COLEC10: variants seen among roughly 807,000 people sequenced by gnomAD.
COLEC10 encodes the protein collectin-10.
A neutral mutation model predicts 28.4 loss-of-function variants in COLEC10; 22 were observed. The ratio of observed to expected loss-of-function variants is 0.78; its 90% CI spans 0.55 to 1.11. COLEC10 has a LOEUF of 1.11. Ranked by LOEUF, COLEC10 falls within the 50% of genes least tolerant of loss-of-function variation. The probability of loss-of-function intolerance (pLI) is 0.00; values close to 1 mark genes in which losing one functional copy is unlikely to be tolerated. For synonymous variants in COLEC10, 125 were observed against 116.1 expected, an observed-to-expected ratio of 1.08 and a Z score of -0.49; for missense variants, 361 against 344.1, an observed-to-expected ratio of 1.05 and a Z score of -0.39.
At chr8:119,065,165 G>A (rs185830783), upstream of COLEC10, among the ~76,000 whole-genome samples, 34 of 152,240 alleles carry the variant, frequency 2.2e-4, no homozygotes, top group East Asian at 3.9e-3. Context: ...CCCAGGCCAC[G>A]AACTGGTATC....
chr8:118,983,723 A>T, the COLEC10 span, among the ~76,000 whole-genome samples: 1 of 152,192 alleles, frequency 6.6e-6, no homozygotes, highest in African/African-American at 2.4e-5. Flanking sequence ...GCCAACAAGC[A>T]TATGAAAAAA....
chr8:118,990,187 T>C, the COLEC10 span, among the ~76,000 whole-genome samples: 10 of 152,178 alleles, frequency 6.6e-5, no homozygotes, highest in South Asian at 2.1e-3. Flanking sequence ...ACAAGATAGA[T>C]TGTATGGTCA....
At chr8:119,064,325 G>T (rs1351078069), upstream of COLEC10, among the ~76,000 whole-genome samples, 1 of 152,132 alleles carries the variant, frequency 6.6e-6, no homozygotes, top group Non-Finnish European at 1.5e-5. Flanking sequence ...AATATGCCAA[G>T]AAAATTTTTT....
intron 3 of COLEC10, among the ~76,000 whole-genome samples, chr8:119,096,432 A>T (rs1198509750): frequency 6.7e-6 from 1 of 150,236 alleles, no homozygotes; most frequent in Non-Finnish European, 1.5e-5. Flanking sequence ...TCTCTACTAA[A>T]AATGCAAAAT....
Position 119,089,663 on chromosome 8 carries a change from A to G in COLEC10, c.149-17A>G, listed in dbSNP as rs1373711725. The G allele has an allele frequency of 6.2e-7, 1 of 1,603,388 alleles. No individual in the cohort carries two copies. Among genetic ancestry groups the G allele is most frequent in the African/African-American group, 1.3e-5 (1 of 74,724 alleles). ...TGTTTGAGATGCTTCACTCTATCTC[A>G]TTTTCTGTTTCAAAAGGAGATGATG... On this transcript the variant is annotated splice_polypyrimidine_tract_variant and intron_variant, in intron 1 of 5. Transcript: ENST00000332843.
intron 2 of COLEC10, among the ~76,000 whole-genome samples, chr8:119,021,744 G>A (rs140061824): frequency 1.1e-4 from 17 of 152,212 alleles, no homozygotes; most frequent in East Asian, 1.9e-4. Context: ...CCTGGCCCTC[G>A]TAGTAAAAAG....
chr8:119,014,384 A>G (rs1040456086), intron 2 of COLEC10, among the ~76,000 whole-genome samples: 3 of 149,166 alleles, frequency 2.0e-5, no homozygotes, highest in Non-Finnish European at 2.9e-5. Context: ...AACACTAAAC[A>G]CTTTACTCTT....
At chr8:119,079,282 G>C (rs1016121714) in intron 1 of COLEC10, among the ~76,000 whole-genome samples, 1 of 152,156 alleles carries the variant, frequency 6.6e-6, no homozygotes. Flanking sequence ...CCCTGTGAGG[G>C]AGGCACTTCA....
At chr8:119,078,496 C>A (rs187562896) in intron 1 of COLEC10, among the ~76,000 whole-genome samples, 1 of 152,086 alleles carries the variant, frequency 6.6e-6, no homozygotes, top group African/African-American at 2.4e-5. Flanking sequence ...GAATGGGGTG[C>A]AATAGAGAGG....
intron 2 of COLEC10, among the ~76,000 whole-genome samples, chr8:119,057,493 C>T (rs1814785401): frequency 6.6e-6 from 1 of 152,022 alleles, no homozygotes; most frequent in South Asian, 2.1e-4. Context: ...GTCCCTATAA[C>T]AATTACATGC....
chr8:119,098,908 G>C (rs1815770139), intron 3 of COLEC10, among the ~76,000 whole-genome samples: 1 of 151,852 alleles, frequency 6.6e-6, no homozygotes, highest in African/African-American at 2.4e-5. Context: ...TCCTCATTTT[G>C]GTGATTGTCT....
chr8:119,020,564 G>A (rs369654111), intron 2 of COLEC10, among the ~76,000 whole-genome samples: 5 of 152,082 alleles, frequency 3.3e-5, no homozygotes, highest in African/African-American at 4.8e-5. Context: ...GTAGTATCCC[G>A]CCAGTTGTGG....
At chr8:119,045,062 A>G (rs1287434748) in intron 2 of COLEC10, among the ~76,000 whole-genome samples, 1 of 152,180 alleles carries the variant, frequency 6.6e-6, no homozygotes, top group Admixed American at 6.5e-5. Context: ...TTCCCTTGGA[A>G]TATGTATTAC....
chr8:119,014,442 T>G (rs571306541), intron 2 of COLEC10, among the ~76,000 whole-genome samples: 11 of 150,466 alleles, frequency 7.3e-5, no homozygotes, highest in Non-Finnish European at 1.6e-4. Context: ...AATTCTTATC[T>G]TCTGTAGGTA....
intron 3 of COLEC10, among the ~76,000 whole-genome samples, chr8:119,099,709 T>G (rs938165709): frequency 3.9e-5 from 6 of 152,134 alleles, no homozygotes; most frequent in South Asian, 4.1e-4. Flanking sequence ...TTCAAGAAAC[T>G]GTTTTCTATA....
intron 1 of COLEC10, among the ~76,000 whole-genome samples, chr8:119,081,753 C>T (rs1017593178): frequency 6.6e-6 from 1 of 152,140 alleles, no homozygotes. Context: ...CTGATGCCAG[C>T]CTGTGAAGGT....
chr8:119,091,595 G>GAGAAAGAAAGAAAGAAAGAAAGAAAGAA (rs200954056), intron 3 of COLEC10, among the ~76,000 whole-genome samples: 2 of 138,488 alleles, frequency 1.4e-5, no homozygotes, highest in Admixed American at 7.2e-5. Flanking sequence ...GAGAGAGAGA[G>GAGAAAGAAAGAAAGAAAGAAAGAAAGAA]AGAAAGAAAG....
At chr8:118,979,245 A>G in the COLEC10 span, among the ~76,000 whole-genome samples, 6 of 152,044 alleles carry the variant, frequency 3.9e-5, no homozygotes, top group African/African-American at 1.4e-4. Flanking sequence ...TTGAAGCTCC[A>G]CCACTTAGAA....
chr8:118,985,286 T>C, the COLEC10 span, among the ~76,000 whole-genome samples: 33 of 152,090 alleles, frequency 2.2e-4, no homozygotes, highest in Non-Finnish European at 4.1e-4. Flanking sequence ...ATTCAGGTCC[T>C]CCTTAAAAAA....
Sources: gnomAD v4.1 joint callset for allele counts (sites outside exome capture counted in the v4.1 genomes callset) on GRCh38, gnomAD v4.1.1 for gene constraint, MANE v1.5 for transcripts, NCBI Gene and HGNC (gene_info 2026-07-23, HGNC 2026-07-21) for gene names.